Variants in TRA2B observed in about 807,000 individuals in gnomAD.
TRA2B encodes transformer-2 protein homolog beta.
A neutral mutation model predicts 41.7 loss-of-function variants in TRA2B; 14 were observed. The observed-to-expected ratio is 0.34, with a 90% CI of 0.22 to 0.53. The LOEUF (loss-of-function observed/expected upper bound fraction) is 0.53, where lower values mean the gene tolerates loss of function less well. Ranked by LOEUF, TRA2B falls within the 20% of genes least tolerant of loss-of-function variation. TRA2B has a pLI of 0.95. For missense variants in TRA2B, 167 were observed against 396.8 expected (o/e 0.42, Z 4.92); for synonymous variants, 130 against 128.8 (o/e 1.01, Z -0.06).
intron 7 of TRA2B, 139 bp from the exon 8 acceptor site, chr3:185,918,577 A>G: frequency 2.0e-6 from 1 of 511,950 alleles, no homozygotes; most frequent in Non-Finnish European, 3.4e-6. Context: ...GTCTGTTTAA[A>G]TCTTGAGAAT....
intron 1 of TRA2B, chr3:185,929,150 C>T (rs1744058475): frequency 6.6e-6 from 1 of 152,138 alleles, no homozygotes; most frequent in African/African-American, 2.4e-5. Context: ...GTTTGGGTAA[C>T]ACCTAAACGT....
At position 185,916,604 on chromosome 3, in the gene TRA2B, A is replaced by G. The variant is rs1743508426; in HGVS notation, c.*1111T>C. 6.6e-6 allele frequency: 1 copy of G among 152,426 alleles called. No homozygotes were observed. Among genetic ancestry groups the G allele is most frequent in the East Asian group, 1.9e-4 (1 of 5,194 alleles). The allele number at this position is 152,426 out of a possible 1,614,324, so 9.4% of individuals were successfully genotyped here. A position where few individuals can be genotyped will look rare whatever the true frequency, so the allele number is the denominator to read the frequency against. ...CTCTGAATTTTCCAGGAATACAGAAATTCATCCCCCCCTCAACCCAGCCCA... is the reference window on the plus strand; with the variant it reads ...CTCTGAATTTTCCAGGAATACAGAAGTTCATCCCCCCCTCAACCCAGCCCA... On this transcript the variant is annotated 3_prime_UTR_variant, in exon 9 of 9. Transcript: ENST00000453386.
At chr3:185,932,636 T>C (rs1385006990) in intron 1 of TRA2B, among the ~76,000 whole-genome samples, 1 of 152,242 alleles carries the variant, frequency 6.6e-6, no homozygotes, top group Non-Finnish European at 1.5e-5. Flanking sequence ...GGAGAAATAC[T>C]ACTTTAAAAG....
At position 185,922,046 on chromosome 3, in the gene TRA2B, C is replaced by T. The variant is rs375780205; in HGVS notation, c.603G>A (p.Thr201=). 9 of 1,613,282 alleles carry T rather than the reference C, an allele frequency of 5.6e-6. No individual in the cohort carries two copies. The highest frequency in any genetic ancestry group is 4.0e-5 in the African/African-American group (3 of 74,836). The change falls in exon 5 of 9, where the codon ACG becomes ACA. Residue 201 remains threonine, a synonymous_variant. Coordinates refer to ENST00000453386, the MANE Select transcript of TRA2B (RefSeq NM_004593.3). Reference sequence around the variant, plus strand: ...TCCCCATGTAAATTCCTGGTGTTGGCGTATGTGGTCTTTTTGTTATAGAGA... The same window carrying T: ...TCCCCATGTAAATTCCTGGTGTTGGTGTATGTGGTCTTTTTGTTATAGAGA... ...VDFSITKRPH[T]PTPGIYMGRP... is the part of the protein sequence containing the mutation.
At position 185,936,319 on chromosome 3, in the gene TRA2B, G is replaced by C. The variant is rs77184347; in HGVS notation, c.36+1506C>G. On this transcript the variant is annotated intron_variant, in intron 1 of 8. Coordinates refer to ENST00000453386, the MANE Select transcript of TRA2B (RefSeq NM_004593.3). Reference sequence around the variant, plus strand: ...GTCACGACTTTTTAACAACTTTTGAGCTCAATCCCAACTTTCTTACCCAAG... The same window carrying C: ...GTCACGACTTTTTAACAACTTTTGACCTCAATCCCAACTTTCTTACCCAAG... 2.7e-3 allele frequency: 2,699 copies of C among 985,276 alleles called. 47 individuals are homozygous for C. The African/African-American group carries it at 0.044, about 16-fold the overall frequency. 61.0% of individuals were successfully genotyped at this position (985,276 alleles called of 1,614,324 possible).
chr3:185,924,042 T>C (rs2150114078), intron 3 of TRA2B, 58 bp from the exon 4 acceptor site: 1 of 1,508,432 alleles, frequency 6.6e-7, no homozygotes, highest in East Asian at 2.3e-5. Flanking sequence ...CAAAGTTGTT[T>C]AAAAAGGGAG....
chr3:185,936,828 AG>A, intron 1 of TRA2B: 2 of 985,406 alleles, frequency 2.0e-6, no homozygotes, highest in Non-Finnish European at 2.4e-6. Flanking sequence ...CAATACCCAG[AG>A]CCCCACAGAC....
intron 1 of TRA2B, chr3:185,936,540 C>A (rs1744362487): frequency 1.0e-6 from 1 of 985,252 alleles, no homozygotes; most frequent in South Asian, 4.7e-5. Flanking sequence ...AAAATTTCTT[C>A]CTAAAATACT....
chr3:185,924,338 T>C (rs1195710085), intron 3 of TRA2B: 3 of 176,144 alleles, frequency 1.7e-5, no homozygotes, highest in Non-Finnish European at 3.6e-5. Flanking sequence ...GTCTATCAGC[T>C]AGAAAAAATT....
rs879073088 is a variant in TRA2B, at chr3:185,937,978, G to A, written c.-118C>T. On this transcript the variant is annotated 5_prime_UTR_variant, in exon 1 of 9. Transcript: ENST00000453386. ...GACGCGCCGGTCGCCCAGCCGCTCA[G>A]AGCCGAAATGCTCCGCACCGCCTCC... 1.3e-5 allele frequency: 16 copies of A among 1,240,534 alleles called. No individual in the cohort carries two copies. Among genetic ancestry groups the A allele is most frequent in the South Asian group, 8.8e-5 (7 of 79,678 alleles). 76.8% of individuals were successfully genotyped at this position (1,240,534 alleles called of 1,614,324 possible). A position where few individuals can be genotyped will look rare whatever the true frequency, so the allele number is the denominator to read the frequency against.
chr3:185,920,232 C>T lies in TRA2B; in HGVS notation c.723-736G>A, dbSNP rs547621635. On this transcript the variant is annotated intron_variant, in intron 6 of 8. Transcript: ENST00000453386. ...ATCCATTTTACCTGCCCTCAGTGTA[C>T]GATGCATGCATTAAGAGATTACAAG... Among the ~76,000 whole-genome samples the T allele has an allele frequency of 5.9e-5, 9 of 152,284 alleles. No individual in the cohort carries two copies. The South Asian group carries it at 6.2e-4, about 11-fold the overall frequency.
intron 1 of TRA2B, chr3:185,935,771 G>T: frequency 1.0e-6 from 1 of 985,338 alleles, no homozygotes; most frequent in South Asian, 4.7e-5. Context: ...TTTGATTCAG[G>T]TGTATTCCAA....
intron 1 of TRA2B, chr3:185,928,303 C>T (rs1358025716): frequency 6.6e-6 from 1 of 152,188 alleles, no homozygotes; most frequent in Non-Finnish European, 1.5e-5. Context: ...CCCCAGACGA[C>T]TCTAGAAACG....
intron 6 of TRA2B, 136 bp from the exon 7 acceptor site, chr3:185,919,632 T>C (rs1316673420): frequency 5.9e-6 from 4 of 678,282 alleles, no homozygotes. Flanking sequence ...TTTGCCACCC[T>C]TTTTAGAAAC....
chr3:185,920,492 C>G lies in TRA2B; in HGVS notation c.722+612G>C, dbSNP rs369497037. Among the ~76,000 whole-genome samples, 7 of 152,274 alleles carry G rather than the reference C, an allele frequency of 4.6e-5. No individual in the cohort carries two copies. In the East Asian group the frequency reaches 7.7e-4, roughly 17 times the overall value. On this transcript the variant is annotated intron_variant, in intron 6 of 8. Coordinates refer to ENST00000453386, the MANE Select transcript of TRA2B (RefSeq NM_004593.3). ...GGTTCCCTATGCTGCTCAGGCTGGT[C>G]TCAAATTCCCGGGCTCAAGCAATTC... is the stretch of plus-strand genomic sequence containing the variant.
chr3:185,937,114 T>A (rs1578491184), intron 1 of TRA2B: 1 of 985,470 alleles, frequency 1.0e-6, no homozygotes, highest in Non-Finnish European at 1.2e-6. Context: ...CTGATACAGA[T>A]TTTTGCCTGG....
intron 1 of TRA2B, chr3:185,934,305 C>T (rs1744263390): frequency 1.0e-6 from 1 of 983,380 alleles, no homozygotes; most frequent in Non-Finnish European, 1.2e-6. Flanking sequence ...TAATATTTAC[C>T]ACCTACGTTC....
intron 3 of TRA2B, chr3:185,925,208 G>A (rs1323688991): frequency 5.5e-6 from 2 of 361,398 alleles, no homozygotes; most frequent in Non-Finnish European, 1.0e-5. Flanking sequence ...GTATAGTAAT[G>A]CAGTCGGAAG....
Position 185,915,939 on chromosome 3 carries a change from A to T in TRA2B, c.*1776T>A, listed in dbSNP as rs1743485307. 6.6e-6 allele frequency: 1 copy of T among 152,210 alleles called. No individual in the cohort carries two copies. The highest frequency in any genetic ancestry group is 1.5e-5 in the Non-Finnish European group (1 of 68,028). 9.4% of individuals were successfully genotyped at this position (152,210 alleles called of 1,614,324 possible). A position where few individuals can be genotyped will look rare whatever the true frequency, so the allele number is the denominator to read the frequency against. On this transcript the variant is annotated 3_prime_UTR_variant, in exon 9 of 9. Coordinates refer to ENST00000453386, the MANE Select transcript of TRA2B (RefSeq NM_004593.3). ...CTCAGCCTTTAATGTATCCATCCAT[A>T]ACACAACCCCCTCTGGGACCACACC...
Sources: allele counts gnomAD v4.1 joint callset (sites outside exome capture counted in the v4.1 genomes callset), GRCh38; gene constraint gnomAD v4.1.1; transcripts MANE v1.5; gene names NCBI Gene and HGNC (gene_info 2026-07-23, HGNC 2026-07-21).